HUS1: variants seen among roughly 807,000 people sequenced by gnomAD.
HUS1 encodes checkpoint protein HUS1.
Under a neutral mutation model 32.6 loss-of-function variants are expected in HUS1, and 31 were observed. That is an observed-to-expected ratio of 0.95 (90% CI 0.72 to 1.28). The LOEUF (loss-of-function observed/expected upper bound fraction) is 1.28. Ranked by LOEUF, HUS1 falls within the 50% of genes most tolerant of loss-of-function variation. The pLI is 0.00. For synonymous variants in HUS1, 123 were observed against 116.6 expected, an observed-to-expected ratio of 1.06 and a Z score of -0.36; for missense variants, 340 against 337.7, an observed-to-expected ratio of 1.01 and a Z score of -0.05.
intron 4 of HUS1, among the ~76,000 whole-genome samples, chr7:47,976,018 C>A (rs3176527): frequency 5.9e-5 from 9 of 152,160 alleles, no homozygotes; most frequent in Admixed American, 3.9e-4. Flanking sequence ...GAATATAACT[C>A]AGGCAATCAG....
rs767526776 is a variant in HUS1 at position 47,975,680 on chromosome 7, A to T, written c.473T>A (p.Ile158Asn). The T allele has an allele frequency of 6.3e-7, 1 of 1,578,324 alleles. No individual in the cohort carries two copies. Among genetic ancestry groups the T allele is most frequent in the Non-Finnish European group, 8.7e-7 (1 of 1,152,728 alleles). ...CATAGTCTTCAAGACTGGTAAATAA[A>T]TACTAACCTACAAAACCAATGAGAA... is the stretch of plus-strand genomic sequence containing the variant. The part of the protein sequence containing the change: ...EPVVPDPDVS[I>N]YLPVLKTMKS... The change falls in exon 5 of 8, where the codon ATT becomes AAT. Residue 158 changes from isoleucine (I) to asparagine (N), a missense_variant. Coordinates refer to ENST00000258774, the MANE Select transcript of HUS1 (RefSeq NM_004507.4).
chr7:47,968,983 TG>T (rs1788538499), intron 6 of HUS1: 1 of 428,918 alleles, frequency 2.3e-6, no homozygotes, highest in African/African-American at 2.1e-5. Flanking sequence ...CTACAGAGGA[TG>T]GAGACCCTGC....
At chr7:47,976,485 G>C (rs921066604) in intron 4 of HUS1, 45 of 562,076 alleles carry the variant, frequency 8.0e-5, no homozygotes, top group Non-Finnish European at 1.3e-4. Flanking sequence ...TCCTCCAAAA[G>C]TATCATTTGT....
chr7:47,967,693 T>C, intron 7 of HUS1, 113 bp downstream of exon 7: 1 of 155,798 alleles, frequency 6.4e-6, no homozygotes, highest in Non-Finnish European at 1.2e-5. Flanking sequence ...ATAATTGAGC[T>C]TTTTTTTTTT....
intron 4 of HUS1, 37 bp from the exon 5 acceptor site, chr7:47,975,724 A>G: frequency 8.3e-7 from 1 of 1,210,452 alleles, no homozygotes; most frequent in South Asian, 1.3e-5. Flanking sequence ...AAGTATTAAA[A>G]ATATTAATAT....
intron 5 of HUS1, among the ~76,000 whole-genome samples, chr7:47,970,189 C>T (rs568897418): frequency 9.0e-4 from 131 of 144,758 alleles, no homozygotes; most frequent in African/African-American, 3.4e-3. Context: ...GCCGAGATTG[C>T]GCCACTGCAC....
intron 5 of HUS1, 83 bp downstream of exon 5, chr7:47,975,530 T>G (rs1445401666): frequency 6.9e-6 from 6 of 864,386 alleles, no homozygotes; most frequent in Non-Finnish European, 1.2e-5. Context: ...CCCACCTGCA[T>G]GGACTGCTGC....
chr7:47,971,085 G>A (rs1202412917), intron 5 of HUS1, among the ~76,000 whole-genome samples: 1 of 152,172 alleles, frequency 6.6e-6, no homozygotes. Context: ...TGATGATGTA[G>A]ACATAATATA....
intron 5 of HUS1, chr7:47,971,534 G>T (rs776149370): frequency 2.2e-6 from 1 of 456,746 alleles, no homozygotes; most frequent in South Asian, 1.5e-5. Flanking sequence ...TGAAGCATAT[G>T]CCACAGTATG....
At chr7:47,973,247 C>T (rs1290524663) in intron 5 of HUS1, among the ~76,000 whole-genome samples, 3 of 152,124 alleles carry the variant, frequency 2.0e-5, no homozygotes, top group Non-Finnish European at 4.4e-5. Context: ...AGCGTGAAAA[C>T]GGAGTAATAC....
At chr7:47,972,567 G>C (rs746411325) in intron 5 of HUS1, among the ~76,000 whole-genome samples, 1 of 152,228 alleles carries the variant, frequency 6.6e-6, no homozygotes, top group South Asian at 2.1e-4. Flanking sequence ...ATCAGGGTAA[G>C]ATCTTTCAAT....
At chr7:47,966,230 G>A (rs1475969666) in intron 7 of HUS1, among the ~76,000 whole-genome samples, 8 of 152,116 alleles carry the variant, frequency 5.3e-5, no homozygotes, top group African/African-American at 9.7e-5. Flanking sequence ...CAATTGAGCC[G>A]ACACCTGAAG....
rs3176518 is a variant in HUS1 at position 47,977,033 on chromosome 7, C to T, written c.358-196G>A. Among the ~76,000 whole-genome samples the T allele has an allele frequency of 8.9e-3, 1,144 of 128,932 alleles. 21 individuals carry two copies. Among genetic ancestry groups the T allele is most frequent in the African/African-American group, 0.028 (1,073 of 38,174 alleles). The allele number at this position is 128,932 out of a possible 152,430, so 84.6% of individuals were successfully genotyped here. On this transcript the variant is annotated intron_variant, in intron 3 of 7. Transcript: ENST00000258774. ...AACAGACTCTGGGTACTTCCAGGAA[C>T]TGGGAAGTGTGGTGATAAGACAAAA...
chr7:47,977,808 C>T (rs1177613406), intron 3 of HUS1, among the ~76,000 whole-genome samples: 1 of 152,094 alleles, frequency 6.6e-6, no homozygotes, highest in African/African-American at 2.4e-5. Context: ...GCATGAGAAT[C>T]GCTTGAACCC....
At position 47,965,615 on chromosome 7, in the gene HUS1, G is replaced by C. The variant is rs561449205; in HGVS notation, c.761-177C>G. Reference sequence around the variant, plus strand: ...ACTGCCACAGCTGAGGCTACATCACGGCCCCAGCACTGGCGGCTCCCTGTG... The same window carrying C: ...ACTGCCACAGCTGAGGCTACATCACCGCCCCAGCACTGGCGGCTCCCTGTG... On this transcript the variant is annotated intron_variant, in intron 7 of 7. Coordinates refer to ENST00000258774, the MANE Select transcript of HUS1 (RefSeq NM_004507.4). 2.0e-5 allele frequency among the ~76,000 whole-genome samples: 3 copies of C among 152,288 alleles called. No homozygotes were observed. The East Asian group carries it at 5.8e-4, about 30-fold the overall frequency.
chr7:47,968,485 G>A (rs771950006), intron 6 of HUS1, among the ~76,000 whole-genome samples: 9 of 152,316 alleles, frequency 5.9e-5, no homozygotes, highest in African/African-American at 2.2e-4. Context: ...TAAAATCTGT[G>A]TTTATATTCA....
chr7:47,975,117 T>C (rs1456958952), intron 5 of HUS1, among the ~76,000 whole-genome samples: 1 of 151,664 alleles, frequency 6.6e-6, no homozygotes. Context: ...ATCGAGACCA[T>C]CCTGGCTAAC....
chr7:47,965,340 C>G lies in HUS1; in HGVS notation c.*16G>C. The G allele has an allele frequency of 6.3e-7, 1 of 1,591,516 alleles. No homozygotes were observed. ...TCCTGACAAAGTCTCTGCATGCCAA[C>G]TCCAGCGACAGGGTGCTAGGACAGC... On this transcript the variant is annotated 3_prime_UTR_variant, in exon 8 of 8. Coordinates refer to ENST00000258774, the MANE Select transcript of HUS1 (RefSeq NM_004507.4).
intron 6 of HUS1, 40 bp downstream of exon 6, chr7:47,969,179 A>T: frequency 1.0e-6 from 1 of 997,188 alleles, no homozygotes; most frequent in Non-Finnish European, 1.5e-6. Flanking sequence ...TGAAACAATT[A>T]ACTTATCCAA....
Sources: gnomAD v4.1 joint callset for allele counts (sites outside exome capture counted in the v4.1 genomes callset) on GRCh38, gnomAD v4.1.1 for gene constraint, MANE v1.5 for transcripts, NCBI Gene and HGNC (gene_info 2026-07-23, HGNC 2026-07-21) for gene names.